The following MYLIP variants were observed in gnomAD, a reference collection of about 807,000 sequenced individuals.
The protein encoded by MYLIP is E3 ubiquitin-protein ligase MYLIP.
A neutral mutation model predicts 45.8 loss-of-function variants in MYLIP; 26 were observed. That is an observed-to-expected ratio of 0.57 (90% CI 0.42 to 0.79). The LOEUF (loss-of-function observed/expected upper bound fraction) is 0.79. Ranked by LOEUF, MYLIP falls within the 30% of genes least tolerant of loss-of-function variation. MYLIP has a pLI of 0.00. For missense variants in MYLIP, 494 were observed against 555.6 expected (o/e 0.89, Z 1.11); for synonymous variants, 213 against 218.1 (o/e 0.98, Z 0.21).
intron 5 of MYLIP, among the ~76,000 whole-genome samples, chr6:16,144,345 T>C (rs1759740535): frequency 6.6e-6 from 1 of 152,214 alleles, no homozygotes; most frequent in East Asian, 1.9e-4. Flanking sequence ...TCATCTTTTC[T>C]TTCTGGCAGA....
intron 2 of MYLIP, among the ~76,000 whole-genome samples, chr6:16,131,002 A>G (rs1019384684): frequency 8.1e-5 from 12 of 148,212 alleles, no homozygotes; most frequent in Admixed American, 2.0e-4. Context: ...GAATTCTTAC[A>G]AACACTTGAG....
At chr6:16,144,603 C>T (rs1362343749) in intron 5 of MYLIP, among the ~76,000 whole-genome samples, 1 of 152,158 alleles carries the variant, frequency 6.6e-6, no homozygotes. Flanking sequence ...GGCAGATGCC[C>T]TTTTTCTTCC....
At chr6:16,139,524 A>C (rs1158074104) in intron 2 of MYLIP, among the ~76,000 whole-genome samples, 1 of 152,220 alleles carries the variant, frequency 6.6e-6, no homozygotes, top group Non-Finnish European at 1.5e-5. Context: ...TAGTTTCCTA[A>C]CAGCACACCT....
chr6:16,154,656 C>T, the MYLIP span, among the ~76,000 whole-genome samples: 6 of 152,316 alleles, frequency 3.9e-5, no homozygotes, highest in African/African-American at 9.6e-5. Context: ...ATGGCCAGTA[C>T]ACTTGTTCTC....
At chr6:16,157,862 T>A in the MYLIP span, among the ~76,000 whole-genome samples, 1 of 152,240 alleles carries the variant, frequency 6.6e-6, no homozygotes, top group Non-Finnish European at 1.5e-5. Flanking sequence ...TTAAGAATCC[T>A]TCATGTAAGA....
At position 16,143,783 on chromosome 6, in the gene MYLIP, C is replaced by G; in HGVS notation, c.747C>G (p.Ile249Met). ...LTVTKESGNS[I>M]VLLFKMISTR... is the part of the protein sequence containing the mutation. Reference sequence around the variant, plus strand: ...TCACCAAGGAATCTGGGAACAGCATCGTGCTCTTGTTTAAAATGATCAGCA... The same window carrying G: ...TCACCAAGGAATCTGGGAACAGCATGGTGCTCTTGTTTAAAATGATCAGCA... The change falls in exon 5 of 7, where the codon ATC becomes ATG. Residue 249 changes from isoleucine to methionine, a missense_variant. Transcript: ENST00000356840. 1.2e-6 allele frequency: 2 copies of G among 1,613,844 alleles called. No homozygotes were observed. The highest frequency in any genetic ancestry group is 1.7e-6 in the Non-Finnish European group (2 of 1,179,968).
At chr6:16,161,325 G>A in the MYLIP span, 1 of 313,738 alleles carries the variant, frequency 3.2e-6, no homozygotes, top group Admixed American at 3.8e-5. Context: ...CTTCAGATGG[G>A]TGCCCACAAT....
At position 16,141,571 on chromosome 6, in the gene MYLIP, A is replaced by C. The variant is rs1759672547; in HGVS notation, c.279-54A>C. 2.0e-6 allele frequency: 3 copies of C among 1,489,630 alleles called. No individual in the cohort carries two copies. In the South Asian group the frequency reaches 3.8e-5, roughly 19 times the overall value. The allele number at this position is 1,489,630 out of a possible 1,614,324, so 92.3% of individuals were successfully genotyped here. A position where few individuals can be genotyped will look rare whatever the true frequency, so the allele number is the denominator to read the frequency against. On this transcript the variant is annotated intron_variant, in intron 2 of 6. Coordinates refer to ENST00000356840, the MANE Select transcript of MYLIP (RefSeq NM_013262.4). The stretch of plus-strand genomic sequence containing the variant: ...GACTGTGAAATTGCTAAGTAGGCTG[A>C]GATTGATGTCAGGTTATCCCCAAGC...
intron 5 of MYLIP, among the ~76,000 whole-genome samples, chr6:16,144,689 C>T (rs2072780): frequency 0.22 from 33,562 of 152,040 alleles, 3,815 homozygotes; most frequent in Admixed American, 0.29. Context: ...TACTGCTTTA[C>T]GGAAGCCATA....
rs369174288 is a variant in MYLIP at position 16,143,837 on chromosome 6, G to A, written c.801G>A (p.Ala267=). Reference sequence around the variant, plus strand: ...GGGCGGCCAGCGGGCTCTACCGAGCGATAACAGAGACGCACGCATTCTACA... The same window carrying A: ...GGGCGGCCAGCGGGCTCTACCGAGCAATAACAGAGACGCACGCATTCTACA... The part of the protein sequence containing the change: ...STRAASGLYR[A]ITETHAFYRC... Residue 267 remains alanine (A), a synonymous_variant, in exon 5 of 7, where the codon GCG becomes GCA. Transcript: ENST00000356840. 67 of 1,613,032 alleles carry A rather than the reference G, an allele frequency of 4.2e-5. 1 individual carries two copies. Among genetic ancestry groups the A allele is most frequent in the South Asian group, 2.3e-4 (21 of 91,004 alleles).
chr6:16,146,734 A>T lies in MYLIP; in HGVS notation c.1321A>T (p.Asn441Tyr), dbSNP rs1426033335. The T allele has an allele frequency of 6.2e-7, 1 of 1,609,852 alleles. No homozygotes were observed. The highest frequency in any genetic ancestry group is 2.2e-5 in the East Asian group (1 of 44,834). ...TCTGCCAACGCACACCAGTCTTCTC[A>T]ATCTGACTGTAATCTAATCTGTTGT... ...VYLPTHTSLL[N>Y]LTVI The change falls in exon 7 of 7, where the codon AAT becomes TAT. Residue 441 changes from asparagine (N) to tyrosine (Y), a missense_variant. Physicochemically the swap from Asn to Tyr is moderately radical, Grantham distance 143. Transcript: ENST00000356840.
At chr6:16,134,331 G>A (rs1759510639) in intron 2 of MYLIP, among the ~76,000 whole-genome samples, 2 of 152,156 alleles carry the variant, frequency 1.3e-5, no homozygotes, top group Admixed American at 6.5e-5. Context: ...ATTTTGAGAT[G>A]TTTTTCACTT....
intron 2 of MYLIP, among the ~76,000 whole-genome samples, chr6:16,136,047 C>T (rs1166416514): frequency 6.6e-6 from 1 of 151,988 alleles, no homozygotes; most frequent in East Asian, 1.9e-4. Context: ...GCATGCATAA[C>T]ATTAACTAGA....
chr6:16,129,183 C>T lies in MYLIP; in HGVS notation c.-140C>T, dbSNP rs1056215859. On this transcript the variant is annotated 5_prime_UTR_variant, in exon 1 of 7. Coordinates refer to ENST00000356840, the MANE Select transcript of MYLIP (RefSeq NM_013262.4). The surrounding 1 kb of genome is among the most constrained non-coding windows in gnomAD (Gnocchi z 5.1). ...GGGGACGCGAGTGGCGGCCGCGGGG[C>T]CCCGGACAAGGGTCCGCAGAGCTGC... is the stretch of plus-strand genomic sequence containing the variant. The T allele has an allele frequency of 4.9e-5, 41 of 832,306 alleles. No individual in the cohort carries two copies. The highest frequency in any genetic ancestry group is 7.1e-5 in the African/African-American group (4 of 56,314). The allele number at this position is 832,306 out of a possible 1,614,324, so 51.6% of individuals were successfully genotyped here.
rs939182194 is a variant in MYLIP, at chr6:16,129,470, C to T, written c.87+61C>T. On this transcript the variant is annotated intron_variant, in intron 1 of 6. Transcript: ENST00000356840. The surrounding 1 kb of genome is among the most constrained non-coding windows in gnomAD (Gnocchi z 5.1). ...CCCGCGAGGCCGAGGGGCCTCGCAG[C>T]GACGCCTGGCACTCTGGCGCGCCCC... The T allele has an allele frequency of 6.7e-7, 1 of 1,488,730 alleles. No individual in the cohort carries two copies. Among genetic ancestry groups the T allele is most frequent in the African/African-American group, 1.4e-5 (1 of 71,146 alleles). 92.2% of individuals were successfully genotyped at this position (1,488,730 alleles called of 1,614,324 possible). A position where few individuals can be genotyped will look rare whatever the true frequency, so the allele number is the denominator to read the frequency against.
intron 2 of MYLIP, among the ~76,000 whole-genome samples, chr6:16,140,465 G>A (rs1561788243): frequency 6.6e-6 from 1 of 152,176 alleles, no homozygotes; most frequent in East Asian, 1.9e-4. Context: ...GCAGTTTTAT[G>A]TACATTTTTG....
downstream of MYLIP, among the ~76,000 whole-genome samples, chr6:16,150,600 C>T (rs373146266): frequency 1.3e-5 from 2 of 151,898 alleles, no homozygotes; most frequent in African/African-American, 2.4e-5. Context: ...GGCCGGGAGG[C>T]GAGAGGATTG....
chr6:16,159,766 T>C, the MYLIP span, among the ~76,000 whole-genome samples: 3 of 152,164 alleles, frequency 2.0e-5, no homozygotes, highest in Non-Finnish European at 4.4e-5. Context: ...ACCCCCAGGC[T>C]GACTAGCTGA....
At chr6:16,158,243 G>A in the MYLIP span, among the ~76,000 whole-genome samples, 1 of 152,228 alleles carries the variant, frequency 6.6e-6, no homozygotes, top group African/African-American at 2.4e-5. Flanking sequence ...CAGAGGCACC[G>A]TGCAATTCAC....
Sources: allele counts gnomAD v4.1 joint callset (sites outside exome capture counted in the v4.1 genomes callset), GRCh38; gene constraint gnomAD v4.1.1; non-coding constraint Gnocchi (gnomAD v3.1); transcripts MANE v1.5; gene names NCBI Gene and HGNC (gene_info 2026-07-23, HGNC 2026-07-21).